The following NAALADL2 variants were observed in gnomAD, a reference collection of about 807,000 sequenced individuals.
The protein encoded by NAALADL2 is N-acetylated alpha-linked acidic dipeptidase like 2, also known as inactive N-acetylated-alpha-linked acidic dipeptidase-like protein 2.
Under a neutral mutation model 87.2 loss-of-function variants are expected in NAALADL2, and 76 were observed. The ratio of observed to expected loss-of-function variants is 0.87; its 90% CI spans 0.72 to 1.05. The LOEUF is 1.05. NAALADL2 is among the 50% of genes least tolerant of loss of function. The pLI is 0.00. For missense variants in NAALADL2, 1,089 were observed against 945.8 expected, an observed-to-expected ratio of 1.15 and a Z score of -1.99; for synonymous variants, 354 against 331.0, an observed-to-expected ratio of 1.07 and a Z score of -0.75.
intron 1 of NAALADL2, among the ~76,000 whole-genome samples, chr3:175,015,427 G>A (rs994996514): frequency 1.3e-5 from 2 of 152,048 alleles, no homozygotes; most frequent in South Asian, 2.1e-4. Context: ...AGCAGTCGCC[G>A]TTTGAGTGGT....
At chr3:175,355,114 G>A (rs1764219870) in intron 5 of NAALADL2, among the ~76,000 whole-genome samples, 1 of 150,070 alleles carries the variant, frequency 6.7e-6, no homozygotes, top group Non-Finnish European at 1.5e-5. Flanking sequence ...TGTCGCCCAG[G>A]CTGGAGTGCA....
intron 1 of NAALADL2, among the ~76,000 whole-genome samples, chr3:174,483,959 G>A (rs1560009302): frequency 6.6e-6 from 1 of 152,010 alleles, no homozygotes; most frequent in Admixed American, 6.6e-5. Flanking sequence ...TGGTAATAGA[G>A]CTATGTACCT....
Position 175,175,560 on chromosome 3 carries a change from G to A in NAALADL2, c.546-58371G>A, listed in dbSNP as rs116046979. ...TATATTCTTCACATCACACTCTATT[G>A]TGAATACCTGCATGTAGTTTTAAAA... is the stretch of plus-strand genomic sequence containing the variant. On this transcript the variant is annotated intron_variant, in intron 2 of 13. Coordinates refer to ENST00000454872, the MANE Select transcript of NAALADL2 (RefSeq NM_207015.3). Among the ~76,000 whole-genome samples, 1,484 of 151,854 alleles carry A rather than the reference G, an allele frequency of 9.8e-3. 19 individuals are homozygous for A. Among genetic ancestry groups the A allele is most frequent in the African/African-American group, 0.034 (1,396 of 41,422 alleles).
chr3:174,506,164 A>G (rs1719191503), intron 1 of NAALADL2, among the ~76,000 whole-genome samples: 1 of 151,798 alleles, frequency 6.6e-6, no homozygotes, highest in Non-Finnish European at 1.5e-5. Context: ...TTTCTATGTC[A>G]ATAATTATTG....
intron 2 of NAALADL2, among the ~76,000 whole-genome samples, chr3:174,678,786 CTA>C (rs1483392184): frequency 2.0e-5 from 3 of 152,164 alleles, no homozygotes; most frequent in South Asian, 4.2e-4. Context: ...TACCGACTCT[CTA>C]TATATTTAGT....
At chr3:175,047,933 G>C (rs1754884273) in intron 1 of NAALADL2, among the ~76,000 whole-genome samples, 1 of 152,144 alleles carries the variant, frequency 6.6e-6, no homozygotes, top group African/African-American at 2.4e-5. Flanking sequence ...AGAGGGCATG[G>C]ATTTCACAGA....
At chr3:175,380,435 A>C (rs550101979) in intron 5 of NAALADL2, among the ~76,000 whole-genome samples, 1 of 152,280 alleles carries the variant, frequency 6.6e-6, no homozygotes, top group Admixed American at 6.5e-5. Context: ...AATAATACAT[A>C]AATTTTACCA....
intron 2 of NAALADL2, among the ~76,000 whole-genome samples, chr3:174,642,507 T>TA (rs10576356): frequency 0.01 from 1,238 of 122,512 alleles, 12 homozygotes; most frequent in African/African-American, 0.018. Flanking sequence ...TCTCTGGGGA[T>TA]AAAAAAAAAA....
At chr3:175,309,960 C>A (rs1284694816) in intron 4 of NAALADL2, among the ~76,000 whole-genome samples, 3 of 152,088 alleles carry the variant, frequency 2.0e-5, no homozygotes, top group Non-Finnish European at 4.4e-5. Context: ...TACTCTCAGT[C>A]CAGTGTTTTT....
intron 9 of NAALADL2, among the ~76,000 whole-genome samples, chr3:175,560,229 A>G (rs892089209): frequency 6.6e-6 from 1 of 152,218 alleles, no homozygotes; most frequent in Non-Finnish European, 1.5e-5. Context: ...GTAGTTGATC[A>G]TAGTAGCCAC....
intron 5 of NAALADL2, among the ~76,000 whole-genome samples, chr3:175,342,316 T>C (rs940979195): frequency 6.6e-6 from 1 of 152,086 alleles, no homozygotes; most frequent in Non-Finnish European, 1.5e-5. Flanking sequence ...TGTGATTACT[T>C]GTGGGTGGAA....
At chr3:175,117,798 T>A (rs1291899639) in intron 2 of NAALADL2, among the ~76,000 whole-genome samples, 1 of 152,042 alleles carries the variant, frequency 6.6e-6, no homozygotes, top group Non-Finnish European at 1.5e-5. Flanking sequence ...ATCATGCTGC[T>A]ATAAGACATG....
chr3:174,881,447 T>A (rs1329520248), intron 1 of NAALADL2, among the ~76,000 whole-genome samples: 1 of 152,142 alleles, frequency 6.6e-6, no homozygotes, highest in African/African-American at 2.4e-5. Context: ...TTTACTCACG[T>A]TTCTGTGGTG....
At chr3:175,796,530 C>T (rs1440122483) in intron 13 of NAALADL2, among the ~76,000 whole-genome samples, 3 of 152,160 alleles carry the variant, frequency 2.0e-5, no homozygotes, top group African/African-American at 7.2e-5. Context: ...ATAGTGTAGC[C>T]ATGCACTTTG....
chr3:174,673,342 T>C (rs778707165), intron 2 of NAALADL2, among the ~76,000 whole-genome samples: 5 of 152,052 alleles, frequency 3.3e-5, no homozygotes, highest in African/African-American at 4.8e-5. Flanking sequence ...AGCAGAAATA[T>C]GTATTTTAGG....
chr3:175,369,772 A>G (rs886477743), intron 5 of NAALADL2, among the ~76,000 whole-genome samples: 12 of 152,110 alleles, frequency 7.9e-5, no homozygotes, highest in Non-Finnish European at 1.8e-4. Flanking sequence ...AAAGTGAAGA[A>G]CTCAAAGTGA....
intron 12 of NAALADL2, among the ~76,000 whole-genome samples, chr3:175,750,672 G>A (rs1372160894): frequency 6.6e-6 from 1 of 152,090 alleles, no homozygotes; most frequent in Non-Finnish European, 1.5e-5. Context: ...AGATGTCCTG[G>A]ATTTTTAGGC....
chr3:174,727,185 G>A (rs938789120), intron 2 of NAALADL2, among the ~76,000 whole-genome samples: 2 of 147,774 alleles, frequency 1.4e-5, no homozygotes, highest in African/African-American at 2.5e-5. Context: ...TGAGAAAAAT[G>A]TTGTTTTCTT....
intron 2 of NAALADL2, among the ~76,000 whole-genome samples, chr3:174,722,897 T>C (rs1176301772): frequency 6.6e-6 from 1 of 152,202 alleles, no homozygotes; most frequent in Non-Finnish European, 1.5e-5. Flanking sequence ...TCTGGGGTCA[T>C]CTGTGACTCT....
Sources: gnomAD v4.1 joint callset for allele counts (sites outside exome capture counted in the v4.1 genomes callset) on GRCh38, gnomAD v4.1.1 for gene constraint, MANE v1.5 for transcripts, NCBI Gene and HGNC (gene_info 2026-07-23, HGNC 2026-07-21) for gene names.